Variants in RSPO2 observed in about 807,000 individuals in gnomAD.
The protein encoded by RSPO2 is R-spondin-2.
In RSPO2, 14 loss-of-function variants were observed where a neutral mutation model predicts 30.9. The ratio of observed to expected loss-of-function variants is 0.45; its 90% CI spans 0.30 to 0.71. The LOEUF is 0.71. RSPO2 is among the 30% of genes least tolerant of loss of function. The pLI, the probability that RSPO2 is intolerant of heterozygous loss-of-function variation, is 0.08. For missense variants in RSPO2, 264 were observed against 301.9 expected (o/e 0.87, Z 0.93); for synonymous variants, 107 against 96.4 (o/e 1.11, Z -0.64).
intron 3 of RSPO2, among the ~76,000 whole-genome samples, chr8:107,964,180 A>G (rs868221403): frequency 6.6e-6 from 1 of 152,338 alleles, no homozygotes. Flanking sequence ...CTGCACTGAC[A>G]GAGCTCATCT....
intron 5 of RSPO2, 147 bp downstream of exon 5, chr8:107,957,933 A>T: frequency 1.8e-6 from 1 of 552,074 alleles, no homozygotes; most frequent in Non-Finnish European, 3.2e-6. Context: ...ATTTGTTTTT[A>T]AATAAGTACA....
intron 2 of RSPO2, among the ~76,000 whole-genome samples, chr8:108,013,658 C>G (rs1810779082): frequency 6.6e-6 from 1 of 152,150 alleles, no homozygotes; most frequent in Admixed American, 6.5e-5. Context: ...AGGCAGAAAA[C>G]TGAAATTGGA....
At chr8:108,072,066 C>A (rs1177606298) in intron 2 of RSPO2, among the ~76,000 whole-genome samples, 1 of 152,082 alleles carries the variant, frequency 6.6e-6, no homozygotes, top group South Asian at 2.1e-4. Context: ...GATGATATGT[C>A]ATTTGGTCAT....
intron 2 of RSPO2, among the ~76,000 whole-genome samples, chr8:108,031,697 G>T (rs1201007323): frequency 6.6e-6 from 1 of 152,122 alleles, no homozygotes; most frequent in Admixed American, 6.5e-5. Flanking sequence ...TGAAATTTTG[G>T]TTAGTGAACT....
intron 4 of RSPO2, among the ~76,000 whole-genome samples, chr8:107,959,881 A>T (rs191056041): frequency 6.6e-6 from 1 of 152,334 alleles, no homozygotes; most frequent in East Asian, 1.9e-4. Flanking sequence ...TTCATAGAAA[A>T]ATGTCAACTT....
chr8:107,918,047 A>G (rs1812033127), intron 5 of RSPO2, among the ~76,000 whole-genome samples: 1 of 152,184 alleles, frequency 6.6e-6, no homozygotes, highest in Non-Finnish European at 1.5e-5. Flanking sequence ...TCTCATGGAA[A>G]GCTGAAATCT....
At chr8:107,999,249 T>A (rs1815142811) in intron 2 of RSPO2, among the ~76,000 whole-genome samples, 1 of 152,154 alleles carries the variant, frequency 6.6e-6, no homozygotes, top group Non-Finnish European at 1.5e-5. Flanking sequence ...ATTGGACATA[T>A]AATTGTCTAG....
At chr8:108,062,463 T>A (rs1586670338) in intron 2 of RSPO2, among the ~76,000 whole-genome samples, 1 of 151,748 alleles carries the variant, frequency 6.6e-6, no homozygotes, top group South Asian at 2.1e-4. Flanking sequence ...CCTGGACACA[T>A]ACACCCTCCC....
At chr8:107,944,485 G>A (rs977182773) in intron 5 of RSPO2, among the ~76,000 whole-genome samples, 7 of 152,110 alleles carry the variant, frequency 4.6e-5, no homozygotes, top group African/African-American at 1.7e-4. Context: ...TTCAGTCCAT[G>A]CCAAGTTTCA....
chr8:108,014,853 A>AT (rs1554582128), intron 2 of RSPO2, among the ~76,000 whole-genome samples: 1 of 151,896 alleles, frequency 6.6e-6, no homozygotes, highest in Non-Finnish European at 1.5e-5. Context: ...ATAAAAAAAA[A>AT]AAAAAGAAAA....
At chr8:107,935,471 C>G (rs188211191) in intron 5 of RSPO2, among the ~76,000 whole-genome samples, 130 of 152,048 alleles carry the variant, frequency 8.5e-4, no homozygotes, top group Middle Eastern at 3.4e-3. Context: ...GGCCAGAACT[C>G]TAATAGAAAT....
At chr8:108,048,910 C>G (rs1359531653) in intron 2 of RSPO2, among the ~76,000 whole-genome samples, 1 of 152,034 alleles carries the variant, frequency 6.6e-6, no homozygotes, top group Non-Finnish European at 1.5e-5. Context: ...TTATTTCTGC[C>G]TTCATTTCGT....
At chr8:107,935,701 T>C (rs370535415) in intron 5 of RSPO2, among the ~76,000 whole-genome samples, 10 of 152,222 alleles carry the variant, frequency 6.6e-5, no homozygotes, top group African/African-American at 2.4e-4. Flanking sequence ...ACAATACTAC[T>C]TTATGGAAAC....
chr8:107,911,466 T>C (rs1378064330), intron 5 of RSPO2, among the ~76,000 whole-genome samples: 3 of 152,148 alleles, frequency 2.0e-5, no homozygotes, highest in Non-Finnish European at 4.4e-5. Flanking sequence ...AAACTAGAGA[T>C]CTTGGACTAG....
chr8:108,048,129 T>C (rs911073486), intron 2 of RSPO2, among the ~76,000 whole-genome samples: 4 of 152,046 alleles, frequency 2.6e-5, no homozygotes, highest in African/African-American at 4.8e-5. Context: ...ATTTAGCAGG[T>C]TGGAAAATTA....
intron 2 of RSPO2, among the ~76,000 whole-genome samples, chr8:108,046,677 G>C (rs143822406): frequency 6.6e-6 from 1 of 152,100 alleles, no homozygotes. Context: ...AGGCACACCC[G>C]TGGTTTGAAA....
intron 5 of RSPO2, among the ~76,000 whole-genome samples, chr8:107,932,071 C>T (rs191818229): frequency 2.0e-5 from 3 of 152,052 alleles, no homozygotes; most frequent in East Asian, 3.9e-4. Flanking sequence ...AATATAGGTG[C>T]GTAATTGGTT....
chr8:108,064,384 AAAG>A (rs1165803673), intron 2 of RSPO2, among the ~76,000 whole-genome samples: 4 of 152,372 alleles, frequency 2.6e-5, no homozygotes, highest in African/African-American at 9.6e-5. Context: ...ATACTTCTCA[AAAG>A]AAGACATTTT....
chr8:107,954,937 C>A (rs1586575548), intron 5 of RSPO2, among the ~76,000 whole-genome samples: 1 of 152,048 alleles, frequency 6.6e-6, no homozygotes, highest in Non-Finnish European at 1.5e-5. Context: ...TTTTATGCAC[C>A]CTTTTCTCTT....
Sources: allele counts gnomAD v4.1 joint callset (sites outside exome capture counted in the v4.1 genomes callset), GRCh38; gene constraint gnomAD v4.1.1; transcripts MANE v1.5; gene names NCBI Gene and HGNC (gene_info 2026-07-23, HGNC 2026-07-21).